The following GNG2 variants were observed in gnomAD, a reference collection of about 807,000 sequenced individuals.
GNG2 encodes the protein guanine nucleotide-binding protein G(I)/G(S)/G(O) subunit gamma-2.
In GNG2, 5 loss-of-function variants were observed where a neutral mutation model predicts 5.5. That is an observed-to-expected ratio of 0.91 (90% confidence interval 0.48 to 1.92). GNG2 has a LOEUF of 1.92. Among genes scored for constraint, GNG2 ranks in the 30% most tolerant of loss-of-function variants. GNG2 has a pLI of 0.01. For synonymous variants in GNG2, 28 were observed against 32.0 expected (o/e 0.88, Z 0.42); for missense variants, 55 against 88.4 (o/e 0.62, Z 1.52).
At position 51,905,250 on chromosome 14, in the gene GNG2, C is replaced by T. The variant is rs556565372; in HGVS notation, c.-30+27593C>T. On this transcript the variant is annotated intron_variant, in intron 2 of 3. Transcript: ENST00000556766. Reference sequence around the variant, plus strand: ...AAAGTCTATTCTTGCTTCCTAGACACTTAAGATTCAATAATATTTGAAAGA... The same window carrying T: ...AAAGTCTATTCTTGCTTCCTAGACATTTAAGATTCAATAATATTTGAAAGA... Among the ~76,000 whole-genome samples the T allele has an allele frequency of 1.1e-4, 16 of 152,286 alleles. 1 individual carries two copies. The South Asian group carries it at 2.7e-3, about 26-fold the overall frequency.
chr14:51,935,501 G>A (rs1004885806), intron 2 of GNG2, among the ~76,000 whole-genome samples: 6 of 152,126 alleles, frequency 3.9e-5, no homozygotes, highest in African/African-American at 1.4e-4. Flanking sequence ...GGGAAGAAAA[G>A]CAACTTAGTG....
At chr14:51,862,439 C>G (rs375108615) in intron 1 of GNG2, among the ~76,000 whole-genome samples, 8 of 152,202 alleles carry the variant, frequency 5.3e-5, no homozygotes, top group Non-Finnish European at 1.2e-4. Context: ...GATAGATCTT[C>G]GATCCAGAAT....
At chr14:51,877,596 T>C (rs1412164789) in intron 1 of GNG2, 21 bp from the exon 2 acceptor site, 1 of 455,886 alleles carries the variant, frequency 2.2e-6, no homozygotes, top group East Asian at 6.9e-5. Flanking sequence ...AAATTCGTTT[T>C]TCTCTCTGCT....
intron 2 of GNG2, among the ~76,000 whole-genome samples, chr14:51,943,472 C>T (rs1328926855): frequency 6.6e-6 from 1 of 152,216 alleles, no homozygotes; most frequent in Non-Finnish European, 1.5e-5. Flanking sequence ...CCTGTTGAAA[C>T]TGCCTAAGCA....
At chr14:51,853,500 A>G (rs1448007737) in intron 2 of GNG2, among the ~76,000 whole-genome samples, 1 of 152,224 alleles carries the variant, frequency 6.6e-6, no homozygotes, top group Non-Finnish European at 1.5e-5. Context: ...AACCCCTTCC[A>G]GTAGGGAAAT....
chr14:51,923,051 G>A lies in GNG2; in HGVS notation c.-29-27599G>A, dbSNP rs1016243057. Among the ~76,000 whole-genome samples the A allele has an allele frequency of 5.3e-5, 8 of 152,140 alleles. No homozygotes were observed. The South Asian group carries it at 1.0e-3, about 20-fold the overall frequency. ...AATAACTTTCTTTATGGTTTCCCAC[G>A]TACAGGGTGGTTTTGTTTTTCACAA... On this transcript the variant is annotated intron_variant, in intron 2 of 3. Transcript: ENST00000556766.
chr14:51,829,095 C>T (rs1566637425), intron 2 of GNG2, among the ~76,000 whole-genome samples: 2 of 152,194 alleles, frequency 1.3e-5, no homozygotes, highest in African/African-American at 4.8e-5. Flanking sequence ...CAGACACCAG[C>T]TGTGAACACC....
chr14:51,900,983 A>G (rs755134437), intron 2 of GNG2, among the ~76,000 whole-genome samples: 28 of 152,228 alleles, frequency 1.8e-4, no homozygotes, highest in Non-Finnish European at 2.9e-4. Flanking sequence ...ACACCCTGCC[A>G]TATTGACCAT....
intron 2 of GNG2, among the ~76,000 whole-genome samples, chr14:51,932,937 A>T (rs1286476356): frequency 6.6e-6 from 1 of 152,160 alleles, no homozygotes; most frequent in Non-Finnish European, 1.5e-5. Flanking sequence ...GTATCCTCAT[A>T]AGAGAGGACA....
chr14:51,945,822 C>G (rs1245861175), intron 2 of GNG2, among the ~76,000 whole-genome samples: 3 of 145,454 alleles, frequency 2.1e-5, no homozygotes, highest in Non-Finnish European at 4.6e-5. Context: ...GTCCAAATAC[C>G]TCAAGCTTAG....
intron 2 of GNG2, chr14:51,877,894 G>A (rs1345804241): frequency 7.1e-6 from 2 of 280,936 alleles, no homozygotes; most frequent in Non-Finnish European, 1.4e-5. Flanking sequence ...AAAAACCTGA[G>A]TTGGAGAGCC....
At chr14:51,830,120 C>T (rs573427323) in intron 2 of GNG2, among the ~76,000 whole-genome samples, 44 of 152,294 alleles carry the variant, frequency 2.9e-4, no homozygotes, top group African/African-American at 9.4e-4. Flanking sequence ...GGATAACAGG[C>T]GTGGGCCACC....
chr14:51,958,614 G>T (rs1163493885), intron 3 of GNG2, among the ~76,000 whole-genome samples: 3 of 151,966 alleles, frequency 2.0e-5, no homozygotes, highest in Non-Finnish European at 4.4e-5. Context: ...CCTTATCCTT[G>T]TTTGGTCACT....
chr14:51,942,082 C>T (rs1359474152), intron 2 of GNG2, among the ~76,000 whole-genome samples: 1 of 152,122 alleles, frequency 6.6e-6, no homozygotes, highest in Non-Finnish European at 1.5e-5. Context: ...AGAGACTCTG[C>T]TCTGTTTTAG....
At chr14:51,837,667 G>T (rs1594829413) in intron 2 of GNG2, among the ~76,000 whole-genome samples, 1 of 150,280 alleles carries the variant, frequency 6.7e-6, no homozygotes, top group African/African-American at 2.4e-5. Context: ...AAAAAAGTAT[G>T]ACTCATTCAA....
chr14:51,967,592 G>A lies in GNG2; in HGVS notation c.*905G>A, dbSNP rs571831484. On this transcript the variant is annotated 3_prime_UTR_variant, in exon 4 of 4. Coordinates refer to ENST00000556766, the MANE Select transcript of GNG2 (RefSeq NM_053064.5). Reference sequence around the variant, plus strand: ...TTTTGAAAATTGAGATTACTTCAGAGCCTTAGCCACACCTAAAATACCTCC... The same window carrying A: ...TTTTGAAAATTGAGATTACTTCAGAACCTTAGCCACACCTAAAATACCTCC... The A allele has an allele frequency of 6.6e-6, 1 of 152,120 alleles. No individual in the cohort carries two copies. The highest frequency in any genetic ancestry group is 1.5e-5 in the Non-Finnish European group (1 of 68,040). The allele number at this position is 152,120 out of a possible 1,614,324, so 9.4% of individuals were successfully genotyped here. A position where few individuals can be genotyped will look rare whatever the true frequency, so the allele number is the denominator to read the frequency against.
intron 2 of GNG2, among the ~76,000 whole-genome samples, chr14:51,890,511 T>A (rs1884777315): frequency 6.6e-6 from 1 of 152,196 alleles, no homozygotes; most frequent in Non-Finnish European, 1.5e-5. Context: ...TTTCCCAAGG[T>A]GACTTGGAAA....
chr14:51,892,372 C>A (rs115027475), intron 2 of GNG2, among the ~76,000 whole-genome samples: 1 of 151,546 alleles, frequency 6.6e-6, no homozygotes, highest in Non-Finnish European at 1.5e-5. Context: ...AGAGCTATGG[C>A]GCGATCTTGG....
intron 1 of GNG2, among the ~76,000 whole-genome samples, chr14:51,862,511 T>G (rs1882578597): frequency 6.6e-6 from 1 of 152,232 alleles, no homozygotes; most frequent in Non-Finnish European, 1.5e-5. Flanking sequence ...GTTGGCAACC[T>G]GAGCTGCATG....
Sources: allele counts gnomAD v4.1 joint callset (sites outside exome capture counted in the v4.1 genomes callset), GRCh38; gene constraint gnomAD v4.1.1; transcripts MANE v1.5; gene names NCBI Gene and HGNC (gene_info 2026-07-23, HGNC 2026-07-21).